The following ENAH variants were observed in gnomAD, a reference collection of about 807,000 sequenced individuals.
ENAH encodes ENAH actin regulator.
In ENAH, 23 loss-of-function variants were observed where a neutral mutation model predicts 78.7. That is an observed-to-expected ratio of 0.29 (90% CI 0.21 to 0.41). The LOEUF (loss-of-function observed/expected upper bound fraction) is 0.41, where lower values mean the gene tolerates loss of function less well. Among genes scored for constraint, ENAH ranks in the 10% least tolerant of loss-of-function variants. The pLI is 1.00. For missense variants in ENAH, 544 were observed against 691.0 expected (o/e 0.79, Z 2.39); for synonymous variants, 226 against 241.0 (o/e 0.94, Z 0.58).
chr1:225,561,891 C>T (rs1200682415), intron 2 of ENAH, among the ~76,000 whole-genome samples: 2 of 152,082 alleles, frequency 1.3e-5, no homozygotes, highest in Non-Finnish European at 2.9e-5. Context: ...CTTATCCTGT[C>T]TATGAGGTCA....
At chr1:225,567,977 C>T (rs901869280) in intron 1 of ENAH, among the ~76,000 whole-genome samples, 3 of 152,056 alleles carry the variant, frequency 2.0e-5, no homozygotes, top group Admixed American at 6.6e-5. Context: ...ATGGAGTGGC[C>T]GCTAACAACC....
At chr1:225,625,553 G>A (rs970505573) in intron 1 of ENAH, among the ~76,000 whole-genome samples, 3 of 152,020 alleles carry the variant, frequency 2.0e-5, no homozygotes, top group South Asian at 2.1e-4. Flanking sequence ...ATGGAATTTC[G>A]CTCTTGTTGC....
At position 225,554,864 on chromosome 1, in the gene ENAH, T is replaced by C. The variant is rs1417773690; in HGVS notation, c.349+42A>G. The C allele has an allele frequency of 2.1e-6, 3 of 1,442,258 alleles. No homozygotes were observed. The African/African-American group carries it at 4.1e-5, about 20-fold the overall frequency. 89.3% of individuals were successfully genotyped at this position (1,442,258 alleles called of 1,614,324 possible). On this transcript the variant is annotated intron_variant, in intron 3 of 13. Transcript: ENST00000366843. ...TAAATCTTCAGTTTTGCTTTGTCTC[T>C]GGAAAAAGAAAGAAAATACAAATAA...
intron 1 of ENAH, among the ~76,000 whole-genome samples, chr1:225,579,176 G>T (rs1234301036): frequency 6.6e-6 from 1 of 152,164 alleles, no homozygotes; most frequent in Non-Finnish European, 1.5e-5. Context: ...CAGCCAGTCT[G>T]CTTCCAGGTC....
Position 225,513,077 on chromosome 1 carries a change from A to G in ENAH, c.1219-61T>C, listed in dbSNP as rs1575350906. On this transcript the variant is annotated intron_variant, in intron 7 of 13. Coordinates refer to ENST00000366843, the MANE Select transcript of ENAH (RefSeq NM_018212.6). The stretch of plus-strand genomic sequence containing the variant: ...GTTAGACAACCATATTTTTATTAAT[A>G]TATTACATCTAAAACAGAAGGAAAC... The G allele has an allele frequency of 5.8e-6, 8 of 1,390,346 alleles. No homozygotes were observed. The East Asian group carries it at 1.2e-4, about 21-fold the overall frequency. 86.1% of individuals were successfully genotyped at this position (1,390,346 alleles called of 1,614,324 possible).
intron 1 of ENAH, among the ~76,000 whole-genome samples, chr1:225,615,483 A>C (rs1434181215): frequency 6.6e-6 from 1 of 151,956 alleles, no homozygotes; most frequent in Non-Finnish European, 1.5e-5. Flanking sequence ...GGAAGTGAGG[A>C]GCGTCTCTGC....
At chr1:225,537,730 T>A (rs1177618776) in intron 3 of ENAH, among the ~76,000 whole-genome samples, 1 of 152,078 alleles carries the variant, frequency 6.6e-6, no homozygotes, top group Admixed American at 6.6e-5. Flanking sequence ...GACTTTTTTT[T>A]TTTTTTCACG....
At chr1:225,507,037 C>A in intron 11 of ENAH, among the ~76,000 whole-genome samples, 1 of 151,246 alleles carries the variant, frequency 6.6e-6, no homozygotes, top group East Asian at 1.9e-4. Flanking sequence ...GTCTCATAAA[C>A]CAAGAAAAGG....
chr1:225,548,589 G>C (rs967944555), intron 3 of ENAH, among the ~76,000 whole-genome samples: 4 of 152,190 alleles, frequency 2.6e-5, no homozygotes, highest in East Asian at 1.9e-4. Flanking sequence ...TGGCCTGAAG[G>C]CTCGAAAACC....
chr1:225,509,426 T>C (rs1022962233), intron 10 of ENAH, among the ~76,000 whole-genome samples: 2 of 152,182 alleles, frequency 1.3e-5, no homozygotes, highest in African/African-American at 4.8e-5. Flanking sequence ...AACTATCTTT[T>C]AGTCTTAAAA....
At chr1:225,500,963 A>G (rs2151040809) in intron 12 of ENAH, 29 bp downstream of exon 12, 1 of 1,602,184 alleles carries the variant, frequency 6.2e-7, no homozygotes, top group Non-Finnish European at 8.5e-7. Flanking sequence ...ACAAGTACAA[A>G]TAAAGGAAAG....
At chr1:225,558,601 T>C (rs1310318719) in intron 2 of ENAH, among the ~76,000 whole-genome samples, 1 of 151,486 alleles carries the variant, frequency 6.6e-6, no homozygotes, top group Non-Finnish European at 1.5e-5. Flanking sequence ...CTTAGTGTGT[T>C]TGCTTTCTAC....
chr1:225,569,097 T>G (rs1225900495), intron 1 of ENAH, among the ~76,000 whole-genome samples: 1 of 152,156 alleles, frequency 6.6e-6, no homozygotes, highest in African/African-American at 2.4e-5. Flanking sequence ...AACAGAAATA[T>G]TTTGCATGTG....
chr1:225,607,515 C>CA (rs534943449), intron 1 of ENAH, among the ~76,000 whole-genome samples: 1,378 of 92,148 alleles, frequency 0.015, 3 homozygotes, highest in South Asian at 0.031. Context: ...GGGTGGGGGG[C>CA]AAAAAAAAAA....
intron 5 of ENAH, 168 bp from the exon 6 acceptor site, chr1:225,517,474 G>A: frequency 6.4e-7 from 1 of 1,551,660 alleles, no homozygotes; most frequent in South Asian, 1.2e-5. Flanking sequence ...TGGAGACACT[G>A]GATATGTTAC....
chr1:225,616,225 A>G (rs1047428815), intron 1 of ENAH, among the ~76,000 whole-genome samples: 4 of 152,116 alleles, frequency 2.6e-5, no homozygotes, highest in African/African-American at 4.8e-5. Flanking sequence ...TAGGAAAACC[A>G]GAGACCCTGT....
chr1:225,514,760 G>A lies in ENAH; in HGVS notation c.1054C>T (p.Pro352Ser). 3.8e-6 allele frequency: 5 copies of A among 1,318,114 alleles called. No homozygotes were observed. The highest frequency in any genetic ancestry group is 4.1e-6 in the Non-Finnish European group (4 of 967,338). The allele number at this position is 1,318,114 out of a possible 1,614,324, so 81.7% of individuals were successfully genotyped here. A position where few individuals can be genotyped will look rare whatever the true frequency, so the allele number is the denominator to read the frequency against. ...LPSTGPPPPP[P>S]PPPLPNQVPP... is the part of the protein sequence containing the mutation. Reference sequence around the variant, plus strand: ...ACTTGATTAGGGAGAGGAGGGGGAGGAGGGGGCGGTGGAGGCCCGGTGGAT... The same window carrying A: ...ACTTGATTAGGGAGAGGAGGGGGAGAAGGGGGCGGTGGAGGCCCGGTGGAT... Residue 352 changes from proline (P) to serine (S), a missense_variant, in exon 7 of 14, where the codon CCT becomes TCT. Pro to Ser is a moderately conservative substitution (Grantham distance 74). This residue lies in a region of ENAH where 366 missense variants were observed against 396.1 expected (regional missense o/e 0.92). Coordinates refer to ENST00000366843, the MANE Select transcript of ENAH (RefSeq NM_018212.6).
intron 1 of ENAH, among the ~76,000 whole-genome samples, chr1:225,576,142 T>C (rs764329131): frequency 1.3e-5 from 2 of 151,972 alleles, no homozygotes; most frequent in Non-Finnish European, 2.9e-5. Context: ...CTGGGCACAA[T>C]GGCACATGCC....
intron 3 of ENAH, among the ~76,000 whole-genome samples, chr1:225,543,097 T>C (rs755362597): frequency 1.8e-4 from 28 of 151,934 alleles, no homozygotes; most frequent in Non-Finnish European, 1.5e-5. Context: ...CATACTACAA[T>C]AGTTATGCAA....
Sources: gnomAD v4.1 joint callset for allele counts (sites outside exome capture counted in the v4.1 genomes callset) on GRCh38, gnomAD v4.1.1 for gene constraint, gnomAD v4.1.1 regional missense constraint, MANE v1.5 for transcripts, NCBI Gene and HGNC (gene_info 2026-07-23, HGNC 2026-07-21) for gene names.